Variants in SLC39A11 observed in about 807,000 individuals in gnomAD.
The protein encoded by SLC39A11 is solute carrier family 39 member 11, also known as zinc transporter ZIP11.
A neutral mutation model predicts 36.1 loss-of-function variants in SLC39A11; 33 were observed. That is an observed-to-expected ratio of 0.91 (90% CI 0.69 to 1.22). The LOEUF (loss-of-function observed/expected upper bound fraction) is 1.22, where lower values mean the gene tolerates loss of function less well. SLC39A11 is among the 50% of genes most tolerant of loss of function. The pLI, the probability that SLC39A11 is intolerant of heterozygous loss-of-function variation, is 0.00. For missense variants in SLC39A11, 432 were observed against 430.3 expected (o/e 1.00, Z -0.03); for synonymous variants, 166 against 170.3 (o/e 0.97, Z 0.20).
chr17:73,005,394 C>G (rs2090125042), intron 4 of SLC39A11, among the ~76,000 whole-genome samples: 1 of 152,188 alleles, frequency 6.6e-6, no homozygotes, highest in African/African-American at 2.4e-5. Context: ...TGACACGTAT[C>G]AAATACCTAC....
chr17:72,958,859 G>GAA (rs2086414430), intron 4 of SLC39A11, among the ~76,000 whole-genome samples: 1 of 108,700 alleles, frequency 9.2e-6, no homozygotes. Flanking sequence ...TTAAAAAAAA[G>GAA]AAAAAAGAAA....
At chr17:72,886,135 C>T (rs1567884954) in intron 5 of SLC39A11, among the ~76,000 whole-genome samples, 2 of 152,216 alleles carry the variant, frequency 1.3e-5, no homozygotes, top group Non-Finnish European at 2.9e-5. Context: ...GGATTCTGTT[C>T]CACTTCCCGA....
At chr17:72,658,308 C>T (rs989915072) in intron 7 of SLC39A11, among the ~76,000 whole-genome samples, 5 of 152,180 alleles carry the variant, frequency 3.3e-5, no homozygotes, top group African/African-American at 1.2e-4. Context: ...AGAGGTCTCT[C>T]ATCCTTTGCT....
At chr17:72,689,001 C>CA (rs1276055408) in intron 7 of SLC39A11, among the ~76,000 whole-genome samples, 1 of 152,178 alleles carries the variant, frequency 6.6e-6, no homozygotes, top group Non-Finnish European at 1.5e-5. Context: ...TGTTTCCCCC[C>CA]ACACTGCCCA....
rs77119951 is a variant in SLC39A11 at position 72,682,597 on chromosome 17, A to G, written c.672-33329T>C. On this transcript the variant is annotated intron_variant, in intron 7 of 9. Coordinates refer to ENST00000255559, the MANE Select transcript of SLC39A11 (RefSeq NM_139177.4). The stretch of plus-strand genomic sequence containing the variant: ...TGGTAAGCACAGCTGATTGTGGGCA[A>G]GACAGGTGGTTTTGAACTTCTTCCC... Among the ~76,000 whole-genome samples the G allele has an allele frequency of 3.5e-3, 527 of 152,346 alleles. 3 individuals carry two copies. Among genetic ancestry groups the G allele is most frequent in the African/African-American group, 0.012 (519 of 41,584 alleles).
At chr17:72,941,660 T>C (rs2085106769) in intron 5 of SLC39A11, among the ~76,000 whole-genome samples, 1 of 151,868 alleles carries the variant, frequency 6.6e-6, no homozygotes, top group Admixed American at 6.6e-5. Flanking sequence ...CTATAAAGCG[T>C]ACCCACCCTG....
intron 5 of SLC39A11, among the ~76,000 whole-genome samples, chr17:72,926,790 C>T (rs1391276861): frequency 6.6e-6 from 1 of 152,114 alleles, no homozygotes; most frequent in East Asian, 1.9e-4. Context: ...TTCCCGAGCA[C>T]CTCAGAATGG....
At chr17:72,812,972 T>C (rs942748774) in intron 6 of SLC39A11, among the ~76,000 whole-genome samples, 5 of 152,212 alleles carry the variant, frequency 3.3e-5, no homozygotes, top group African/African-American at 1.2e-4. Context: ...CTCTACAACC[T>C]GACCTGGATT....
chr17:72,811,337 T>G (rs898060033), intron 6 of SLC39A11, among the ~76,000 whole-genome samples: 5 of 152,172 alleles, frequency 3.3e-5, no homozygotes, highest in African/African-American at 1.2e-4. Flanking sequence ...TATGACCTAA[T>G]TACCTCCTGA....
At chr17:72,664,568 A>G (rs762264428) in intron 7 of SLC39A11, among the ~76,000 whole-genome samples, 18 of 152,128 alleles carry the variant, frequency 1.2e-4, no homozygotes, top group Non-Finnish European at 2.1e-4. Context: ...AGCCTCCATC[A>G]TGTCCTTCCT....
At chr17:72,868,909 C>T (rs2146339575) in intron 5 of SLC39A11, among the ~76,000 whole-genome samples, 1 of 152,260 alleles carries the variant, frequency 6.6e-6, no homozygotes, top group Admixed American at 6.5e-5. Context: ...AAAGATGGCA[C>T]CCAACATTTG....
At chr17:72,805,687 C>G (rs1192906033) in intron 6 of SLC39A11, among the ~76,000 whole-genome samples, 1 of 152,110 alleles carries the variant, frequency 6.6e-6, no homozygotes, top group Admixed American at 6.6e-5. Flanking sequence ...TGAGGTCCTC[C>G]TGAGTGCAAA....
chr17:72,838,910 T>C (rs1412584347), intron 6 of SLC39A11: 1 of 152,194 alleles, frequency 6.6e-6, no homozygotes, highest in Non-Finnish European at 1.5e-5. Context: ...CCATGAGATA[T>C]GGATGGCAGC....
chr17:72,831,088 C>T (rs548749607), intron 6 of SLC39A11, among the ~76,000 whole-genome samples: 6 of 152,060 alleles, frequency 3.9e-5, no homozygotes, highest in Admixed American at 6.5e-5. Context: ...GCTATGTTGA[C>T]ATTTAAGAAG....
chr17:73,026,185 AAG>A (rs375720218), intron 4 of SLC39A11, among the ~76,000 whole-genome samples: 9 of 68,998 alleles, frequency 1.3e-4, no homozygotes, highest in South Asian at 5.3e-4. Flanking sequence ...GGAGAAAGAG[AAG>A]AGAGAAGAGA....
intron 5 of SLC39A11, among the ~76,000 whole-genome samples, chr17:72,868,476 G>A (rs1159138037): frequency 1.3e-5 from 2 of 151,954 alleles, no homozygotes; most frequent in East Asian, 3.8e-4. Flanking sequence ...TATCAAAAAT[G>A]TGTCTACGGA....
intron 5 of SLC39A11, among the ~76,000 whole-genome samples, chr17:72,898,733 T>G (rs72847958): frequency 0.11 from 16,727 of 152,292 alleles, 1,463 homozygotes; most frequent in African/African-American, 0.24. Flanking sequence ...TAGATATTCA[T>G]ACATTATGCA....
At chr17:72,885,197 T>C (rs550235907) in intron 5 of SLC39A11, among the ~76,000 whole-genome samples, 1 of 152,338 alleles carries the variant, frequency 6.6e-6, no homozygotes, top group East Asian at 1.9e-4. Flanking sequence ...TCCAGACAGC[T>C]ATTCCTCAGT....
intron 6 of SLC39A11, among the ~76,000 whole-genome samples, chr17:72,790,151 C>A (rs751142685): frequency 6.6e-6 from 1 of 152,122 alleles, no homozygotes; most frequent in Non-Finnish European, 1.5e-5. Flanking sequence ...TTTTGTCTTT[C>A]GAAAGACTAG....
Sources: gnomAD v4.1 joint callset for allele counts (sites outside exome capture counted in the v4.1 genomes callset) on GRCh38, gnomAD v4.1.1 for gene constraint, MANE v1.5 for transcripts, NCBI Gene and HGNC (gene_info 2026-07-23, HGNC 2026-07-21) for gene names.